EVI5: variants seen among roughly 807,000 people sequenced by gnomAD.
EVI5 encodes the protein ecotropic viral integration site 5 protein homolog.
EVI5 carries 73 observed loss-of-function variants against 112.0 expected under a neutral mutation model. The observed-to-expected ratio is 0.65, with a 90% CI of 0.54 to 0.79. The LOEUF is 0.79. Among genes scored for constraint, EVI5 ranks in the 30% least tolerant of loss-of-function variants. EVI5 has a pLI of 0.00. For synonymous variants in EVI5, 305 were observed against 319.9 expected, an observed-to-expected ratio of 0.95 and a Z score of 0.50; for missense variants, 900 against 968.8, an observed-to-expected ratio of 0.93 and a Z score of 0.94.
intron 2 of EVI5, among the ~76,000 whole-genome samples, chr1:92,721,366 T>A (rs1301209369): frequency 6.6e-6 from 1 of 152,218 alleles, no homozygotes; most frequent in Non-Finnish European, 1.5e-5. Context: ...GATGAGTTCA[T>A]GTACTTTGTA....
intron 19 of EVI5, among the ~76,000 whole-genome samples, chr1:92,560,293 C>A (rs144981101): frequency 7.2e-5 from 11 of 152,218 alleles, no homozygotes; most frequent in African/African-American, 2.6e-4. Context: ...ACAAGCAAGA[C>A]ACAAAAGAAA....
At chr1:92,624,520 C>T (rs1043585568) in intron 15 of EVI5, among the ~76,000 whole-genome samples, 186 bp from the exon 16 acceptor site, 4 of 151,182 alleles carry the variant, frequency 2.6e-5, no homozygotes, top group East Asian at 1.9e-4. Flanking sequence ...CATAAAAAGA[C>T]CTTTGCAGAT....
At chr1:92,581,529 TACACA>T (rs893024550) in intron 18 of EVI5, among the ~76,000 whole-genome samples, 1 of 152,196 alleles carries the variant, frequency 6.6e-6, no homozygotes, top group African/African-American at 2.4e-5. Context: ...TTTGCTGACT[TACACA>T]GCCTGGAAAT....
chr1:92,561,550 ACTGACTAT>A (rs1276758203), intron 19 of EVI5, among the ~76,000 whole-genome samples: 8,415 of 35,684 alleles, frequency 0.24, 282 homozygotes, highest in East Asian at 0.41. Context: ...TCCTGATGAG[ACTGACTAT>A]CTATCTATCT....
intron 1 of EVI5, among the ~76,000 whole-genome samples, chr1:92,737,861 T>C (rs1294044993): frequency 6.6e-6 from 1 of 152,222 alleles, no homozygotes; most frequent in Non-Finnish European, 1.5e-5. Context: ...CCATTACAAG[T>C]GCTGAATAGG....
intron 13 of EVI5, among the ~76,000 whole-genome samples, chr1:92,661,613 T>A (rs1664029505): frequency 6.6e-6 from 1 of 152,092 alleles, no homozygotes; most frequent in African/African-American, 2.4e-5. Context: ...CATACAAAAG[T>A]GGAGCAAAAT....
intron 18 of EVI5, among the ~76,000 whole-genome samples, chr1:92,597,102 T>A (rs902058668): frequency 6.6e-6 from 1 of 152,002 alleles, no homozygotes; most frequent in African/African-American, 2.4e-5. Context: ...TAATAAGAGG[T>A]TGGACTCAAA....
intron 13 of EVI5, among the ~76,000 whole-genome samples, chr1:92,655,319 C>T (rs753327097): frequency 1.5e-5 from 2 of 134,812 alleles, no homozygotes; most frequent in African/African-American, 2.8e-5. Context: ...AAATCACAAT[C>T]CCATTTTAAG....
intron 2 of EVI5, among the ~76,000 whole-genome samples, chr1:92,730,185 C>A (rs982715690): frequency 2.0e-5 from 3 of 151,288 alleles, no homozygotes; most frequent in African/African-American, 7.3e-5. Flanking sequence ...GGCAATATGG[C>A]AAAACCCCAT....
chr1:92,782,822 T>G (rs1228233259), intron 1 of EVI5, among the ~76,000 whole-genome samples: 1 of 152,178 alleles, frequency 6.6e-6, no homozygotes, highest in Non-Finnish European at 1.5e-5. Flanking sequence ...CGATGTTTTT[T>G]GTTTTTGTTT....
At chr1:92,534,792 A>T (rs1370780419) in intron 19 of EVI5, among the ~76,000 whole-genome samples, 1 of 152,246 alleles carries the variant, frequency 6.6e-6, no homozygotes, top group Non-Finnish European at 1.5e-5. Flanking sequence ...TTAAAGACTT[A>T]AACGTAAGAC....
At chr1:92,590,029 C>T (rs1053049263) in intron 18 of EVI5, among the ~76,000 whole-genome samples, 9 of 152,186 alleles carry the variant, frequency 5.9e-5, no homozygotes, top group Non-Finnish European at 1.3e-4. Flanking sequence ...CTCCAGCAAA[C>T]TCCAACAGAC....
intron 19 of EVI5, among the ~76,000 whole-genome samples, chr1:92,561,603 T>C (rs968094019): frequency 7.3e-5 from 10 of 136,760 alleles, no homozygotes; most frequent in South Asian, 2.3e-4. Context: ...ATCTATCTAA[T>C]CTATCCTATC....
chr1:92,655,233 T>A, intron 13 of EVI5, among the ~76,000 whole-genome samples: 1 of 151,218 alleles, frequency 6.6e-6, no homozygotes. Flanking sequence ...AAGAGAAAGG[T>A]GTCTAATCAT....
In EVI5 at chr1:92,667,368, A is replaced by G. The variant is rs554456446; in HGVS notation, c.1159-1376T>C. ...ATAGATGACAAGTTGCAAAATTCTG[A>G]AAATACAAAGAATTTATTAATTTTT... On this transcript the variant is annotated intron_variant, in intron 10 of 19. Coordinates refer to ENST00000684568, the MANE Select transcript of EVI5 (RefSeq NM_001350197.2). Among the ~76,000 whole-genome samples, 5 of 152,324 alleles carry G rather than the reference A, an allele frequency of 3.3e-5. 1 individual carries two copies. Among genetic ancestry groups the G allele is most frequent in the Admixed American group, 2.6e-4 (4 of 15,306 alleles).
chr1:92,764,085 C>T (rs751158968), intron 1 of EVI5, among the ~76,000 whole-genome samples: 11 of 152,060 alleles, frequency 7.2e-5, no homozygotes, highest in Non-Finnish European at 1.0e-4. Flanking sequence ...ATTTAATGCT[C>T]CAGTAGTATG....
chr1:92,658,110 C>T (rs538616681), intron 13 of EVI5, among the ~76,000 whole-genome samples: 2 of 152,194 alleles, frequency 1.3e-5, no homozygotes, highest in South Asian at 2.1e-4. Context: ...AAACCATATA[C>T]AACAAACCCA....
intron 18 of EVI5, among the ~76,000 whole-genome samples, chr1:92,572,815 C>A (rs1670512006): frequency 6.6e-6 from 1 of 151,954 alleles, no homozygotes; most frequent in Non-Finnish European, 1.5e-5. Context: ...TTATTCTGGA[C>A]ACTATGATAT....
chr1:92,746,712 G>A (rs1679297834), intron 1 of EVI5, among the ~76,000 whole-genome samples: 1 of 152,084 alleles, frequency 6.6e-6, no homozygotes, highest in African/African-American at 2.4e-5. Context: ...GGGCAATAGA[G>A]CGAGACCCTG....
Sources: allele counts gnomAD v4.1 joint callset (sites outside exome capture counted in the v4.1 genomes callset), GRCh38; gene constraint gnomAD v4.1.1; transcripts MANE v1.5; gene names NCBI Gene and HGNC (gene_info 2026-07-23, HGNC 2026-07-21).